The following ZMAT5 variants were observed in gnomAD, a reference collection of about 807,000 sequenced individuals.
The protein encoded by ZMAT5 is zinc finger matrin-type 5, also known as zinc finger matrin-type protein 5.
ZMAT5 carries 23 observed loss-of-function variants against 28.0 expected under a neutral mutation model. The ratio of observed to expected loss-of-function variants is 0.82; its 90% CI spans 0.59 to 1.16. ZMAT5 has a LOEUF of 1.16. ZMAT5 is among the 50% of genes most tolerant of loss of function. ZMAT5 has a pLI of 0.00. For missense variants in ZMAT5, 173 were observed against 212.7 expected (o/e 0.81, Z 1.16); for synonymous variants, 76 against 84.1 (o/e 0.90, Z 0.52).
chr22:29,765,854 C>A (rs1442768555), intron 1 of ZMAT5, among the ~76,000 whole-genome samples: 2 of 152,124 alleles, frequency 1.3e-5, no homozygotes, highest in African/African-American at 4.8e-5. Flanking sequence ...GACGACAGAC[C>A]GAGACTCCAT....
At chr22:29,738,078 C>T (rs534240233) in intron 5 of ZMAT5, among the ~76,000 whole-genome samples, 2 of 152,270 alleles carry the variant, frequency 1.3e-5, no homozygotes, top group East Asian at 1.9e-4. Flanking sequence ...ATCAGCTCTG[C>T]CGCCTGCCTC....
chr22:29,743,579 C>T (rs766792739), intron 2 of ZMAT5, among the ~76,000 whole-genome samples: 2 of 152,030 alleles, frequency 1.3e-5, no homozygotes, highest in African/African-American at 2.4e-5. Flanking sequence ...TACAGGCGTC[C>T]GCCACCATGC....
At chr22:29,751,103 C>T (rs527577440) in intron 1 of ZMAT5, among the ~76,000 whole-genome samples, 2 of 152,228 alleles carry the variant, frequency 1.3e-5, no homozygotes, top group South Asian at 2.1e-4. Context: ...GTTTAACGGC[C>T]GAGTGCTAAA....
chr22:29,743,555 C>T (rs1030843728), intron 2 of ZMAT5, among the ~76,000 whole-genome samples: 1 of 152,164 alleles, frequency 6.6e-6, no homozygotes, highest in Non-Finnish European at 1.5e-5. Flanking sequence ...CTCAGCCTCC[C>T]GAGTAGCTGG....
chr22:29,762,401 G>A (rs1437558575), intron 1 of ZMAT5, among the ~76,000 whole-genome samples: 1 of 152,262 alleles, frequency 6.6e-6, no homozygotes, highest in African/African-American at 2.4e-5. Context: ...GGGCCGCACA[G>A]CAGGAGGTGA....
intron 1 of ZMAT5, among the ~76,000 whole-genome samples, chr22:29,756,428 C>G (rs1334732482): frequency 6.6e-6 from 1 of 152,180 alleles, no homozygotes; most frequent in Non-Finnish European, 1.5e-5. Flanking sequence ...CCTTGGGTGG[C>G]AGCCACACAC....
chr22:29,732,873 G>A (rs2067865189), intron 5 of ZMAT5, among the ~76,000 whole-genome samples: 1 of 152,088 alleles, frequency 6.6e-6, no homozygotes, highest in African/African-American at 2.4e-5. Context: ...AGAGGATGTA[G>A]ACCAGGGGAT....
At chr22:29,766,255 A>G (rs146636141) in intron 1 of ZMAT5, among the ~76,000 whole-genome samples, 15 of 152,202 alleles carry the variant, frequency 9.9e-5, no homozygotes, top group Non-Finnish European at 2.1e-4. Context: ...CTTTCCCTCA[A>G]ACATCCCAGG....
At chr22:29,758,516 G>A (rs1232521506) in intron 1 of ZMAT5, among the ~76,000 whole-genome samples, 1 of 152,028 alleles carries the variant, frequency 6.6e-6, no homozygotes, top group African/African-American at 2.4e-5. Flanking sequence ...CCAGCTACTT[G>A]GGGGGCTGAG....
chr22:29,733,114 G>A (rs2067868338), intron 5 of ZMAT5, among the ~76,000 whole-genome samples: 1 of 152,210 alleles, frequency 6.6e-6, no homozygotes, highest in African/African-American at 2.4e-5. Context: ...ACACCCTCGG[G>A]ATGAGGCCTG....
At chr22:29,755,002 A>T (rs756558135) in intron 1 of ZMAT5, among the ~76,000 whole-genome samples, 1 of 151,926 alleles carries the variant, frequency 6.6e-6, no homozygotes, top group Non-Finnish European at 1.5e-5. Flanking sequence ...CCCACTTTAA[A>T]ATCGCAGTCA....
intron 1 of ZMAT5, among the ~76,000 whole-genome samples, chr22:29,756,994 G>A (rs2068107613): frequency 1.3e-5 from 2 of 151,980 alleles, no homozygotes. Context: ...AGCCAAGATT[G>A]CACCACTACA....
intron 3 of ZMAT5, among the ~76,000 whole-genome samples, chr22:29,741,249 A>G (rs1458062147): frequency 6.6e-6 from 1 of 152,180 alleles, no homozygotes; most frequent in East Asian, 1.9e-4. Context: ...CCCTCTTTCA[A>G]CCAAGGAGAC....
chr22:29,736,541 G>A (rs1461531202), intron 5 of ZMAT5, among the ~76,000 whole-genome samples: 3 of 151,286 alleles, frequency 2.0e-5, no homozygotes, highest in African/African-American at 2.4e-5. Flanking sequence ...CCAGCACAGC[G>A]AAACTCTGTC....
At chr22:29,740,511 C>T in intron 4 of ZMAT5, 139 bp downstream of exon 4, 1 of 849,778 alleles carries the variant, frequency 1.2e-6, no homozygotes, top group Admixed American at 2.3e-5. Context: ...ACCGGGGGCT[C>T]AGGGCTCCGC....
chr22:29,748,643 C>T, intron 1 of ZMAT5, 72 bp from the exon 2 acceptor site: 2 of 1,566,626 alleles, frequency 1.3e-6, no homozygotes, highest in Non-Finnish European at 1.7e-6. Context: ...CTGAATGCTT[C>T]CTGAGGGCCA....
At chr22:29,766,356 C>G (rs1406077151) in intron 1 of ZMAT5, among the ~76,000 whole-genome samples, 1 of 152,216 alleles carries the variant, frequency 6.6e-6, no homozygotes, top group Non-Finnish European at 1.5e-5. Flanking sequence ...CCCCCCAGAG[C>G]AGCTACCCAG....
chr22:29,754,959 C>G (rs1052723516), intron 1 of ZMAT5, among the ~76,000 whole-genome samples: 1 of 152,080 alleles, frequency 6.6e-6, no homozygotes, highest in African/African-American at 2.4e-5. Flanking sequence ...GGGCTGCCCA[C>G]CCCCTCACCC....
chr22:29,757,521 T>C (rs529970912), intron 1 of ZMAT5, among the ~76,000 whole-genome samples: 1 of 152,210 alleles, frequency 6.6e-6, no homozygotes, highest in Non-Finnish European at 1.5e-5. Flanking sequence ...TCATGCATGC[T>C]AGCTGCTTAG....
Sources: gnomAD v4.1 joint callset for allele counts (sites outside exome capture counted in the v4.1 genomes callset) on GRCh38, gnomAD v4.1.1 for gene constraint, MANE v1.5 for transcripts, NCBI Gene and HGNC (gene_info 2026-07-23, HGNC 2026-07-21) for gene names.